Variants in RAPGEF6 observed in about 807,000 individuals in gnomAD.
RAPGEF6 encodes the protein PDZ domain containing guanine nucleotide exchange factor (GEF) 2.
In RAPGEF6, 56 loss-of-function variants were observed where a neutral mutation model predicts 171.4. The observed-to-expected ratio is 0.33, with a 90% confidence interval of 0.26 to 0.41. The LOEUF is 0.41. Among genes scored for constraint, RAPGEF6 ranks in the 10% least tolerant of loss-of-function variants. The pLI, the probability that RAPGEF6 is intolerant of heterozygous loss-of-function variation, is 1.00. For missense variants in RAPGEF6, 1,674 were observed against 1,921.4 expected, an observed-to-expected ratio of 0.87 and a Z score of 2.41; for synonymous variants, 692 against 650.1, an observed-to-expected ratio of 1.06 and a Z score of -0.98.
At chr5:131,628,964 A>T (rs1766117252) in intron 1 of RAPGEF6, among the ~76,000 whole-genome samples, 1 of 152,222 alleles carries the variant, frequency 6.6e-6, no homozygotes, top group African/African-American at 2.4e-5. Flanking sequence ...TCAAGAGCTC[A>T]GATGGAGGTA....
At chr5:131,438,353 C>T (rs1017919353) in intron 24 of RAPGEF6, among the ~76,000 whole-genome samples, 1 of 152,202 alleles carries the variant, frequency 6.6e-6, no homozygotes, top group Non-Finnish European at 1.5e-5. Flanking sequence ...AAACTCAGGT[C>T]TGACATCACT....
chr5:131,591,347 C>T (rs920029044), intron 4 of RAPGEF6, among the ~76,000 whole-genome samples: 4 of 152,138 alleles, frequency 2.6e-5, no homozygotes, highest in African/African-American at 9.7e-5. Context: ...CTTCTTTCTA[C>T]CACCCTTCTC....
At chr5:131,474,485 C>G (rs146472680) in intron 16 of RAPGEF6, among the ~76,000 whole-genome samples, 42 of 152,040 alleles carry the variant, frequency 2.8e-4, no homozygotes, top group African/African-American at 1.0e-3. Flanking sequence ...ATTGTACAAA[C>G]ACAGAAGGGA....
At chr5:131,587,735 T>A (rs1763339358) in intron 4 of RAPGEF6, among the ~76,000 whole-genome samples, 1 of 152,154 alleles carries the variant, frequency 6.6e-6, no homozygotes. Flanking sequence ...GAAACCTCTT[T>A]CCCAAGGTGA....
At chr5:131,551,079 C>T (rs1487274563) in intron 5 of RAPGEF6, among the ~76,000 whole-genome samples, 2 of 152,118 alleles carry the variant, frequency 1.3e-5, no homozygotes, top group African/African-American at 4.8e-5. Context: ...ATATTAGGTC[C>T]TTGGAATTAT....
intron 16 of RAPGEF6, among the ~76,000 whole-genome samples, chr5:131,474,967 C>G (rs1360531891): frequency 1.3e-5 from 2 of 152,310 alleles, no homozygotes; most frequent in East Asian, 3.9e-4. Context: ...AGGGAATTAA[C>G]TGCATCAACT....
chr5:131,607,062 C>G (rs1036036254), intron 1 of RAPGEF6, among the ~76,000 whole-genome samples: 3 of 152,166 alleles, frequency 2.0e-5, no homozygotes, highest in Non-Finnish European at 2.9e-5. Flanking sequence ...TCCCCACTCC[C>G]TCAGTTTATA....
chr5:131,479,992 G>C lies in RAPGEF6; in HGVS notation c.1841-239C>G, dbSNP rs189863953. 9.1e-4 allele frequency among the ~76,000 whole-genome samples: 139 copies of C among 152,120 alleles called. 1 individual carries two copies. The highest frequency in any genetic ancestry group is 3.1e-3 in the Admixed American group (47 of 15,264). On this transcript the variant is annotated intron_variant, in intron 15 of 27. Transcript: ENST00000509018. ...CAACACTAATAAAAGGAAAGTCAGT[G>C]GGGGGAAAGGGAAAGGAAGTGGGCA...
At chr5:131,458,685 G>A (rs1753693633) in intron 19 of RAPGEF6, among the ~76,000 whole-genome samples, 1 of 152,130 alleles carries the variant, frequency 6.6e-6, no homozygotes, top group African/African-American at 2.4e-5. Flanking sequence ...ACAGAGTCTT[G>A]CTCTGTCACC....
intron 1 of RAPGEF6, among the ~76,000 whole-genome samples, chr5:131,615,104 G>T (rs1050924669): frequency 2.6e-5 from 4 of 152,180 alleles, no homozygotes; most frequent in African/African-American, 9.7e-5. Flanking sequence ...GCACACTAAA[G>T]TTTGAGAACC....
intron 8 of RAPGEF6, 134 bp downstream of exon 8, chr5:131,510,180 G>T: frequency 2.1e-6 from 2 of 942,554 alleles, no homozygotes; most frequent in Non-Finnish European, 3.1e-6. Flanking sequence ...TCCTAAATTT[G>T]ACTCACAAAA....
At chr5:131,483,008 G>A (rs377203407) in intron 15 of RAPGEF6, among the ~76,000 whole-genome samples, 2 of 152,090 alleles carry the variant, frequency 1.3e-5, no homozygotes, top group Non-Finnish European at 2.9e-5. Flanking sequence ...TTGAAGGGGC[G>A]ATTTCCTTAG....
intron 4 of RAPGEF6, among the ~76,000 whole-genome samples, chr5:131,578,587 G>A (rs1178874208): frequency 2.6e-5 from 4 of 151,790 alleles, no homozygotes; most frequent in Non-Finnish European, 5.9e-5. Context: ...CCCATATTTG[G>A]ACCCCTAACC....
intron 14 of RAPGEF6, among the ~76,000 whole-genome samples, chr5:131,490,956 A>G (rs1756238400): frequency 6.6e-6 from 1 of 152,272 alleles, no homozygotes; most frequent in Admixed American, 6.5e-5. Flanking sequence ...AAAAGTAACA[A>G]TAATGTAGAT....
At chr5:131,514,334 T>A (rs567387129) in intron 7 of RAPGEF6, among the ~76,000 whole-genome samples, 2 of 152,302 alleles carry the variant, frequency 1.3e-5, no homozygotes, top group African/African-American at 4.8e-5. Context: ...GATATGATTA[T>A]GACCACAGGA....
chr5:131,605,801 CG>C (rs1764522530), intron 1 of RAPGEF6, among the ~76,000 whole-genome samples: 1 of 151,734 alleles, frequency 6.6e-6, no homozygotes, highest in Non-Finnish European at 1.5e-5. Context: ...GAGGTCGAGG[CG>C]GGCGGAACAT....
intron 4 of RAPGEF6, among the ~76,000 whole-genome samples, chr5:131,583,032 C>T (rs1462380009): frequency 1.3e-5 from 2 of 152,178 alleles, no homozygotes; most frequent in Non-Finnish European, 2.9e-5. Context: ...GACCATATAC[C>T]TTGTACACAA....
intron 1 of RAPGEF6, among the ~76,000 whole-genome samples, chr5:131,616,775 C>T (rs1765290644): frequency 6.6e-6 from 1 of 151,896 alleles, no homozygotes; most frequent in African/African-American, 2.4e-5. Context: ...CCACCACCCC[C>T]AGCTTTTTTT....
intron 1 of RAPGEF6, among the ~76,000 whole-genome samples, chr5:131,613,384 T>C (rs146673099): frequency 0.025 from 3,748 of 152,138 alleles, 176 homozygotes; most frequent in African/African-American, 0.085. Flanking sequence ...CACTCCAGCC[T>C]GGGCGACACA....
Sources: allele counts gnomAD v4.1 joint callset (sites outside exome capture counted in the v4.1 genomes callset), GRCh38; gene constraint gnomAD v4.1.1; transcripts MANE v1.5; gene names NCBI Gene and HGNC (gene_info 2026-07-23, HGNC 2026-07-21).